The following CNTN5 variants were observed in gnomAD, a reference collection of about 807,000 sequenced individuals.
The protein encoded by CNTN5 is contactin-5.
CNTN5 carries 77 observed loss-of-function variants against 129.1 expected under a neutral mutation model. That is an observed-to-expected ratio of 0.60 (90% CI 0.50 to 0.72). The LOEUF (loss-of-function observed/expected upper bound fraction) is 0.72. CNTN5 is among the 30% of genes least tolerant of loss of function. The pLI is 0.00. For synonymous variants in CNTN5, 509 were observed against 465.6 expected (o/e 1.09, Z -1.20); for missense variants, 1,478 against 1,328.8 (o/e 1.11, Z -1.75).
chr11:99,567,658 T>C (rs1949050002), intron 3 of CNTN5, among the ~76,000 whole-genome samples: 1 of 152,076 alleles, frequency 6.6e-6, no homozygotes, highest in Admixed American at 6.6e-5. Flanking sequence ...CCTGCTGCAG[T>C]TGAGAAAGAG....
intron 16 of CNTN5, among the ~76,000 whole-genome samples, chr11:100,231,426 G>A (rs563659454): frequency 1.8e-4 from 28 of 152,244 alleles, no homozygotes; most frequent in African/African-American, 6.7e-4. Context: ...AGAACTTGAT[G>A]GCCCACTGGT....
intron 9 of CNTN5, among the ~76,000 whole-genome samples, chr11:100,013,622 A>G (rs1322932992): frequency 6.6e-6 from 1 of 152,186 alleles, no homozygotes; most frequent in African/African-American, 2.4e-5. Flanking sequence ...CAAATTATGT[A>G]TCCCATTTGA....
At chr11:99,943,682 C>T (rs376174006) in intron 7 of CNTN5, among the ~76,000 whole-genome samples, 1 of 152,178 alleles carries the variant, frequency 6.6e-6, no homozygotes, top group African/African-American at 2.4e-5. Context: ...ATGTTTAAGT[C>T]TTTAATCCAT....
intron 13 of CNTN5, among the ~76,000 whole-genome samples, chr11:100,109,236 G>A (rs1036813345): frequency 6.6e-6 from 1 of 152,130 alleles, no homozygotes; most frequent in African/African-American, 2.4e-5. Context: ...GACCAGCCTG[G>A]CCAACATGGC....
intron 3 of CNTN5, among the ~76,000 whole-genome samples, chr11:99,729,559 T>C (rs551805896): frequency 7.2e-5 from 11 of 152,212 alleles, no homozygotes; most frequent in South Asian, 2.1e-4. Context: ...TATTAGAAAC[T>C]AGAGGGCTGG....
At chr11:99,310,216 G>A (rs887902692) in intron 1 of CNTN5, among the ~76,000 whole-genome samples, 2 of 152,066 alleles carry the variant, frequency 1.3e-5, no homozygotes, top group Admixed American at 1.3e-4. Context: ...CACATACAAT[G>A]CTGATTAATA....
intron 8 of CNTN5, among the ~76,000 whole-genome samples, chr11:99,998,166 A>T (rs551261391): frequency 2.0e-4 from 30 of 151,898 alleles, no homozygotes; most frequent in Non-Finnish European, 3.5e-4. Flanking sequence ...GCAATCAGGC[A>T]GGAGAAGGGA....
chr11:99,810,476 C>A (rs2135515894), intron 3 of CNTN5, among the ~76,000 whole-genome samples: 1 of 152,236 alleles, frequency 6.6e-6, no homozygotes, highest in East Asian at 1.9e-4. Flanking sequence ...TCATCCTCTG[C>A]ATATGCTTTT....
At chr11:100,256,105 T>C (rs1172446745) in intron 17 of CNTN5, among the ~76,000 whole-genome samples, 187 bp downstream of exon 17, 1 of 152,254 alleles carries the variant, frequency 6.6e-6, no homozygotes, top group Non-Finnish European at 1.5e-5. Context: ...TTTCCTCTTT[T>C]CAGTTCCCAA....
In CNTN5 at chr11:99,707,910, TAAC is replaced by T. The variant is rs548868440; in HGVS notation, c.56-111632_56-111630del. Among the ~76,000 whole-genome samples, 634 of 151,792 alleles carry T rather than the reference TAAC, an allele frequency of 4.2e-3. 6 individuals carry two copies. The highest frequency in any genetic ancestry group is 0.013 in the African/African-American group (550 of 41,498). The stretch of plus-strand genomic sequence containing the variant: ...TATTTTATCATTATTAATAGAATAA[TAAC>T]ACACATAAATACTTTAAAAGGTATA... On this transcript the variant is annotated intron_variant, in intron 3 of 24. Coordinates refer to ENST00000524871, the MANE Select transcript of CNTN5 (RefSeq NM_014361.4).
intron 13 of CNTN5, among the ~76,000 whole-genome samples, chr11:100,083,820 G>T (rs771316276): frequency 2.6e-5 from 4 of 151,932 alleles, no homozygotes; most frequent in Non-Finnish European, 4.4e-5. Flanking sequence ...CCAAATTTAG[G>T]GTGATGGAAA....
chr11:100,306,681 C>T (rs930671643), intron 20 of CNTN5, among the ~76,000 whole-genome samples: 1 of 151,658 alleles, frequency 6.6e-6, no homozygotes, highest in Admixed American at 6.6e-5. Context: ...TTAACTCCCA[C>T]TAAATAGCAT....
chr11:99,970,311 A>G lies in CNTN5; in HGVS notation c.877+13302A>G, dbSNP rs542967619. Among the ~76,000 whole-genome samples the G allele has an allele frequency of 2.0e-5, 3 of 152,358 alleles. No individual in the cohort carries two copies. The South Asian group carries it at 6.2e-4, about 32-fold the overall frequency. On this transcript the variant is annotated intron_variant, in intron 8 of 24. Coordinates refer to ENST00000524871, the MANE Select transcript of CNTN5 (RefSeq NM_014361.4). The stretch of plus-strand genomic sequence containing the variant: ...AGCAAAGAAGTGAGGCCATAAGTAT[A>G]ATATCATAAAACTAATTGTAACGCC...
At chr11:99,558,465 C>A in intron 3 of CNTN5, 2 of 177,600 alleles carry the variant, frequency 1.1e-5, no homozygotes, top group South Asian at 1.1e-4. Context: ...TAACAGATGT[C>A]CAGTGCTTTT....
intron 7 of CNTN5, among the ~76,000 whole-genome samples, chr11:99,929,799 A>C (rs2120165): frequency 6.6e-6 from 1 of 151,880 alleles, no homozygotes; most frequent in South Asian, 2.1e-4. Flanking sequence ...CAGTCAAACC[A>C]TATCACCTAT....
At chr11:99,048,237 A>C (rs2135164555) in intron 1 of CNTN5, among the ~76,000 whole-genome samples, 1 of 152,244 alleles carries the variant, frequency 6.6e-6, no homozygotes, top group Admixed American at 6.5e-5. Flanking sequence ...CAAAATACTA[A>C]CTCAATGGAG....
intron 3 of CNTN5, among the ~76,000 whole-genome samples, chr11:99,733,388 C>G (rs946149135): frequency 7.5e-6 from 1 of 132,980 alleles, no homozygotes; most frequent in Non-Finnish European, 1.6e-5. Flanking sequence ...TTCACTATGT[C>G]TCATTGCTCA....
At chr11:100,290,140 C>A (rs1216079) in intron 18 of CNTN5, among the ~76,000 whole-genome samples, 86,529 of 149,242 alleles carry the variant, frequency 0.58, 25,635 homozygotes, top group African/African-American at 0.67. Flanking sequence ...TTCCATGCTC[C>A]TGGGTAGGAA....
intron 3 of CNTN5, among the ~76,000 whole-genome samples, chr11:99,678,505 GA>G (rs777680077): frequency 2.6e-5 from 4 of 152,060 alleles, no homozygotes; most frequent in Non-Finnish European, 4.4e-5. Flanking sequence ...ATGTAATCAA[GA>G]AAGTCAGCAC....
Sources: gnomAD v4.1 joint callset for allele counts (sites outside exome capture counted in the v4.1 genomes callset) on GRCh38, gnomAD v4.1.1 for gene constraint, MANE v1.5 for transcripts, NCBI Gene and HGNC (gene_info 2026-07-23, HGNC 2026-07-21) for gene names.